Variants in FHIP1A observed in about 807,000 individuals in gnomAD.
FHIP1A encodes FHF complex subunit HOOK-interacting protein 1A.
Under a neutral mutation model 88.6 loss-of-function variants are expected in FHIP1A, and 61 were observed. The observed-to-expected ratio is 0.69, with a 90% CI of 0.56 to 0.85. The LOEUF (loss-of-function observed/expected upper bound fraction) is 0.85, where lower values mean the gene tolerates loss of function less well. FHIP1A is among the 40% of genes least tolerant of loss of function. The probability of loss-of-function intolerance (pLI) is 0.00; values close to 1 mark genes in which losing one functional copy is unlikely to be tolerated. For synonymous variants in FHIP1A, 478 were observed against 496.0 expected (o/e 0.96, Z 0.48); for missense variants, 1,154 against 1,273.5 (o/e 0.91, Z 1.43).
chr4:151,644,343 T>C (rs1334559040), intron 9 of FHIP1A, among the ~76,000 whole-genome samples: 13 of 151,704 alleles, frequency 8.6e-5, no homozygotes, highest in Non-Finnish European at 1.5e-5. Flanking sequence ...TGAGAAATCT[T>C]TTTTGTTTAT....
chr4:151,457,476 A>AG (rs748179125), intron 2 of FHIP1A, among the ~76,000 whole-genome samples: 33 of 152,258 alleles, frequency 2.2e-4, no homozygotes, highest in Non-Finnish European at 4.3e-4. Flanking sequence ...GGAAAGGGAG[A>AG]GAGGGGTTTT....
At chr4:151,412,554 T>TTTTCTTTC (rs1239719542) in intron 1 of FHIP1A, among the ~76,000 whole-genome samples, 12 of 132,220 alleles carry the variant, frequency 9.1e-5, no homozygotes, top group African/African-American at 3.4e-4. Context: ...GGGCTTTTCT[T>TTTTCTTTC]TTTCTTTCTT....
chr4:151,567,414 G>A (rs1733430095), intron 4 of FHIP1A, among the ~76,000 whole-genome samples: 1 of 151,842 alleles, frequency 6.6e-6, no homozygotes, highest in South Asian at 2.1e-4. Context: ...TTTATACTTT[G>A]TAGCTTCTTG....
intron 7 of FHIP1A, among the ~76,000 whole-genome samples, chr4:151,611,482 G>A (rs1227158666): frequency 2.0e-5 from 3 of 152,182 alleles, no homozygotes; most frequent in South Asian, 2.1e-4. Flanking sequence ...GTATAAGGGC[G>A]TCAAACTTTT....
intron 2 of FHIP1A, among the ~76,000 whole-genome samples, chr4:151,475,961 A>T (rs1037303579): frequency 6.6e-6 from 1 of 151,230 alleles, no homozygotes; most frequent in East Asian, 1.9e-4. Flanking sequence ...TCCCGTGTTC[A>T]AGCAATTCTC....
At chr4:151,593,369 A>G (rs1734515683) in intron 7 of FHIP1A, among the ~76,000 whole-genome samples, 1 of 152,188 alleles carries the variant, frequency 6.6e-6, no homozygotes, top group Non-Finnish European at 1.5e-5. Context: ...GGCCATTTTC[A>G]TGATATTGAT....
intron 2 of FHIP1A, among the ~76,000 whole-genome samples, chr4:151,458,344 A>T (rs1302218033): frequency 6.6e-6 from 1 of 152,208 alleles, no homozygotes; most frequent in East Asian, 1.9e-4. Context: ...GCCTGGAAAA[A>T]GGGGCAGTGT....
chr4:151,446,609 TTTAATC>T (rs1728618104), intron 1 of FHIP1A, among the ~76,000 whole-genome samples: 1 of 150,188 alleles, frequency 6.7e-6, no homozygotes, highest in South Asian at 2.1e-4. Context: ...TTGGTTGTGG[TTTAATC>T]TTTGACAAAA....
intron 1 of FHIP1A, among the ~76,000 whole-genome samples, chr4:151,450,247 C>T (rs1728744846): frequency 6.6e-6 from 1 of 150,712 alleles, no homozygotes; most frequent in Admixed American, 6.6e-5. Context: ...AAATGTCTAG[C>T]CTCAGCCTAA....
intron 7 of FHIP1A, among the ~76,000 whole-genome samples, chr4:151,623,105 T>C (rs1735809376): frequency 6.6e-6 from 1 of 152,226 alleles, no homozygotes; most frequent in Admixed American, 6.5e-5. Context: ...TGGCCAACGC[T>C]AGTTGCAGCA....
At chr4:151,558,670 A>C (rs1040420787) in intron 3 of FHIP1A, among the ~76,000 whole-genome samples, 4 of 152,234 alleles carry the variant, frequency 2.6e-5, no homozygotes, top group African/African-American at 4.8e-5. Flanking sequence ...AGTGAGCTAC[A>C]TTTACTTTGA....
Position 151,656,749 on chromosome 4 carries a change from G to GT in FHIP1A, c.2731-6dup. 6.5e-7 allele frequency: 1 copy of GT among 1,549,260 alleles called. No individual in the cohort carries two copies. Among genetic ancestry groups the GT allele is most frequent in the Non-Finnish European group, 8.7e-7 (1 of 1,145,956 alleles). ...GTGAGGCATTAACATCAGTAATGCTGTTTTTGACAGGTCCTTGCATCTGTG... is the reference window on the plus strand; with the variant it reads ...GTGAGGCATTAACATCAGTAATGCTGTTTTTTGACAGGTCCTTGCATCTGTG... On this transcript the variant is annotated splice_polypyrimidine_tract_variant and intron_variant, in intron 12 of 13. Transcript: ENST00000435205. This position sits in a 1 kb window ranked among gnomAD's most constrained non-coding sequence, Gnocchi z 4.2.
chr4:151,589,574 A>C (rs917036405), intron 7 of FHIP1A, among the ~76,000 whole-genome samples: 1 of 152,166 alleles, frequency 6.6e-6, no homozygotes, highest in East Asian at 1.9e-4. Context: ...CGTGTGCAGT[A>C]TTTAGTTCAG....
intron 3 of FHIP1A, among the ~76,000 whole-genome samples, chr4:151,484,047 A>C (rs538720246): frequency 1.3e-5 from 2 of 152,240 alleles, no homozygotes; most frequent in East Asian, 3.9e-4. Context: ...ATGAACTCTG[A>C]GTTTTGGTCT....
At chr4:151,573,271 A>AACACACACACACACAC (rs140733704) in intron 4 of FHIP1A, among the ~76,000 whole-genome samples, 1 of 147,208 alleles carries the variant, frequency 6.8e-6, no homozygotes, top group Non-Finnish European at 1.5e-5. Context: ...GATGCATCCA[A>AACACACACACACACAC]ACACACACAC....
chr4:151,552,678 G>C (rs755197525), intron 3 of FHIP1A, among the ~76,000 whole-genome samples: 1 of 152,056 alleles, frequency 6.6e-6, no homozygotes, highest in Non-Finnish European at 1.5e-5. Context: ...CCTGTTGTCG[G>C]GTGGGAGGAT....
Position 151,656,219 on chromosome 4 carries a change from G to A in FHIP1A, c.2552-13G>A, listed in dbSNP as rs1228224382. 2 of 1,549,712 alleles carry A rather than the reference G, an allele frequency of 1.3e-6. No homozygotes were observed. Among genetic ancestry groups the A allele is most frequent in the East Asian group, 2.4e-5 (1 of 40,884 alleles). On this transcript the variant is annotated splice_polypyrimidine_tract_variant and intron_variant, in intron 11 of 13. Coordinates refer to ENST00000435205, the MANE Select transcript of FHIP1A (RefSeq NM_001109977.3). This position sits in a 1 kb window ranked among gnomAD's most constrained non-coding sequence, Gnocchi z 4.2. ...AGCCCAGCCAGCCCTGAAGCCTTGT[G>A]TTCTTCCTGCAGGCCCATTCATCAG...
intron 9 of FHIP1A, among the ~76,000 whole-genome samples, chr4:151,642,359 T>C (rs2126897164): frequency 6.6e-6 from 1 of 152,320 alleles, no homozygotes; most frequent in African/African-American, 2.4e-5. Context: ...TTGCCTGTTG[T>C]GTTCAGATAG....
At chr4:151,487,687 C>G (rs921946341) in intron 3 of FHIP1A, among the ~76,000 whole-genome samples, 2 of 152,198 alleles carry the variant, frequency 1.3e-5, no homozygotes, top group Non-Finnish European at 2.9e-5. Flanking sequence ...AGGCACTATT[C>G]TAAGATCTTC....
Sources: gnomAD v4.1 joint callset for allele counts (sites outside exome capture counted in the v4.1 genomes callset) on GRCh38, gnomAD v4.1.1 for gene constraint, Gnocchi (gnomAD v3.1) non-coding constraint, MANE v1.5 for transcripts, NCBI Gene and HGNC (gene_info 2026-07-23, HGNC 2026-07-21) for gene names.